PKD1L1: variants seen among roughly 807,000 people sequenced by gnomAD.
PKD1L1 encodes the protein polycystin 1 like 1, transient receptor potential channel interacting.
PKD1L1 carries 236 observed loss-of-function variants against 323.4 expected under a neutral mutation model. That is an observed-to-expected ratio of 0.73 (90% confidence interval 0.66 to 0.81). PKD1L1 has a LOEUF of 0.81. PKD1L1 is among the 40% of genes least tolerant of loss of function. The probability of loss-of-function intolerance (pLI) is 0.00; values close to 1 mark genes in which losing one functional copy is unlikely to be tolerated. For synonymous variants in PKD1L1, 1,344 were observed against 1,335.0 expected, an observed-to-expected ratio of 1.01 and a Z score of -0.15; for missense variants, 3,320 against 3,508.0, an observed-to-expected ratio of 0.95 and a Z score of 1.35.
chr7:47,847,336 C>T (rs1253509144), intron 31 of PKD1L1, among the ~76,000 whole-genome samples: 1 of 152,132 alleles, frequency 6.6e-6, no homozygotes, highest in Non-Finnish European at 1.5e-5. Context: ...TCTAGCATCC[C>T]GTATGTTCCA....
At chr7:47,826,963 T>C (rs987170203) in intron 45 of PKD1L1, among the ~76,000 whole-genome samples, 1 of 152,206 alleles carries the variant, frequency 6.6e-6, no homozygotes, top group African/African-American at 2.4e-5. Flanking sequence ...TTCCTGTGTG[T>C]CCCAGCTGGA....
chr7:47,876,341 G>A (rs1026187168), intron 22 of PKD1L1, 124 bp from the exon 23 acceptor site: 4 of 1,137,836 alleles, frequency 3.5e-6, no homozygotes, highest in African/African-American at 1.6e-5. Flanking sequence ...CAGGAAGAGG[G>A]TAAGTGACAG....
At chr7:47,847,698 C>T (rs1785694709) in intron 31 of PKD1L1, among the ~76,000 whole-genome samples, 1 of 151,920 alleles carries the variant, frequency 6.6e-6, no homozygotes, top group Non-Finnish European at 1.5e-5. Flanking sequence ...GCACCTCATG[C>T]TATAAAAAAT....
chr7:47,858,561 G>A, intron 27 of PKD1L1, 112 bp downstream of exon 27: 2 of 965,272 alleles, frequency 2.1e-6, no homozygotes, highest in Non-Finnish European at 3.2e-6. Flanking sequence ...AATGAACACA[G>A]TACTTCAGAA....
chr7:47,926,395 C>T (rs557849099), intron 7 of PKD1L1, among the ~76,000 whole-genome samples: 3 of 152,260 alleles, frequency 2.0e-5, no homozygotes, highest in South Asian at 2.1e-4. Flanking sequence ...CACCTTTCTG[C>T]GCAGAACCAA....
chr7:47,922,708 C>T (rs1447452782), intron 7 of PKD1L1, among the ~76,000 whole-genome samples: 13 of 150,578 alleles, frequency 8.6e-5, no homozygotes, highest in East Asian at 3.9e-4. Flanking sequence ...GGAGCGTCTC[C>T]GCCCGGCAGC....
At chr7:47,886,192 C>G in intron 17 of PKD1L1, 138 bp from the exon 18 acceptor site, 1 of 1,180,488 alleles carries the variant, frequency 8.5e-7, no homozygotes, top group Non-Finnish European at 1.2e-6. Context: ...TTAAGAGATA[C>G]AGGGCAGAGA....
At chr7:47,873,649 C>CAA (rs57012071) in intron 24 of PKD1L1, among the ~76,000 whole-genome samples, 33 of 78,022 alleles carry the variant, frequency 4.2e-4, no homozygotes, top group East Asian at 7.5e-4. Context: ...GACTCTGTCT[C>CAA]AAAAAAAAAA....
chr7:47,957,713 G>A, the PKD1L1 span, among the ~76,000 whole-genome samples: 5 of 151,644 alleles, frequency 3.3e-5, no homozygotes, highest in Non-Finnish European at 7.4e-5. Flanking sequence ...TCAGGCTGGT[G>A]GCAAACTCGC....
chr7:47,858,338 T>C (rs1326352896), intron 27 of PKD1L1, among the ~76,000 whole-genome samples: 1 of 151,242 alleles, frequency 6.6e-6, no homozygotes, highest in African/African-American at 2.5e-5. Flanking sequence ...AATAAATCAT[T>C]TGCATTACTT....
intron 27 of PKD1L1, 116 bp downstream of exon 27, chr7:47,858,557 C>T: frequency 1.1e-6 from 1 of 923,230 alleles, no homozygotes. Context: ...GAAGAATGAA[C>T]ACAGTACTTC....
chr7:47,858,643 T>C (rs770863029), intron 27 of PKD1L1, 30 bp downstream of exon 27: 2 of 1,581,026 alleles, frequency 1.3e-6, no homozygotes, highest in Non-Finnish European at 1.7e-6. Context: ...GAAACAGTAT[T>C]TTTATGGATG....
chr7:47,904,233 C>T, intron 12 of PKD1L1, 145 bp downstream of exon 12: 2 of 1,108,044 alleles, frequency 1.8e-6, no homozygotes, highest in Non-Finnish European at 1.3e-6. Flanking sequence ...GAAGCATGGT[C>T]AGGTCTTATT....
At chr7:47,897,047 T>C (rs939675380) in intron 14 of PKD1L1, among the ~76,000 whole-genome samples, 3 of 152,206 alleles carry the variant, frequency 2.0e-5, no homozygotes, top group East Asian at 1.9e-4. Flanking sequence ...CAGCCTGTTG[T>C]CACTTGGCCC....
At chr7:47,879,184 T>C (rs1334919381) in intron 21 of PKD1L1, among the ~76,000 whole-genome samples, 1 of 152,224 alleles carries the variant, frequency 6.6e-6, no homozygotes, top group African/African-American at 2.4e-5. Context: ...GGGATCTCAT[T>C]GAGCCCAGCC....
At chr7:47,958,791 CT>C in the PKD1L1 span, among the ~76,000 whole-genome samples, 1 of 150,044 alleles carries the variant, frequency 6.7e-6, no homozygotes, top group African/African-American at 2.5e-5. Context: ...CCCTCTCCCT[CT>C]CCCTCTCCCT....
intron 45 of PKD1L1, among the ~76,000 whole-genome samples, chr7:47,825,148 T>C (rs956421712): frequency 6.6e-6 from 1 of 152,254 alleles, no homozygotes; most frequent in African/African-American, 2.4e-5. Flanking sequence ...ATTCTCTTAC[T>C]GTAAGTGAAA....
chr7:47,812,986 C>T (rs868201994), intron 49 of PKD1L1, 135 bp downstream of exon 49: 2 of 1,038,672 alleles, frequency 1.9e-6, no homozygotes, highest in Non-Finnish European at 2.8e-6. Flanking sequence ...GGCTGGAGCC[C>T]CTGGCAGTGG....
chr7:47,960,535 C>T, the PKD1L1 span, among the ~76,000 whole-genome samples: 22 of 151,568 alleles, frequency 1.5e-4, no homozygotes, highest in Admixed American at 5.9e-4. Flanking sequence ...AAGCAAGATT[C>T]CATAAGCTCA....
Sources: allele counts gnomAD v4.1 joint callset (sites outside exome capture counted in the v4.1 genomes callset), GRCh38; gene constraint gnomAD v4.1.1; transcripts MANE v1.5; gene names NCBI Gene and HGNC (gene_info 2026-07-23, HGNC 2026-07-21).